The following DNAH17 variants were observed in gnomAD, a reference collection of about 807,000 sequenced individuals.
DNAH17 encodes the protein axonemal beta dynein heavy chain 17.
In DNAH17, 376 loss-of-function variants were observed where a neutral mutation model predicts 485.6. That is an observed-to-expected ratio of 0.77 (90% CI 0.71 to 0.84). The LOEUF (loss-of-function observed/expected upper bound fraction) is 0.84, where lower values mean the gene tolerates loss of function less well. Ranked by LOEUF, DNAH17 falls within the 40% of genes least tolerant of loss-of-function variation. DNAH17 has a pLI of 0.00. For synonymous variants in DNAH17, 3,031 were observed against 2,405.9 expected (o/e 1.26, Z -7.60); for missense variants, 6,370 against 5,839.3 (o/e 1.09, Z -2.96).
intron 58 of DNAH17, among the ~76,000 whole-genome samples, 159 bp from the exon 59 acceptor site, chr17:78,460,416 GTATGTGTATGTGCATCCATGTGCA>G (rs1476293949): frequency 2.6e-5 from 4 of 151,922 alleles, no homozygotes; most frequent in Non-Finnish European, 4.4e-5. Flanking sequence ...GTGTGTGCAT[GTATGTGTATGTGCATCCATGTGCA>G]TATGTGCATG....
intron 16 of DNAH17, among the ~76,000 whole-genome samples, chr17:78,547,193 G>A (rs1230392891): frequency 6.6e-6 from 1 of 151,996 alleles, no homozygotes; most frequent in Non-Finnish European, 1.5e-5. Flanking sequence ...GCTCTCCTTG[G>A]TACTCTAGAA....
Position 78,529,728 on chromosome 17 carries a change from GC to G in DNAH17, c.3285-35del, listed in dbSNP as rs1568203614. 2.5e-6 allele frequency: 4 copies of G among 1,601,512 alleles called. No homozygotes were observed. In the Admixed American group the frequency reaches 6.7e-5, roughly 27 times the overall value. ...CAAGGGGACCATTTGTGTGGCCCCAGCCCCCCTTAGGCCCACCCTTGATGGT... is the reference window on the plus strand; with the variant it reads ...CAAGGGGACCATTTGTGTGGCCCCAGCCCCCTTAGGCCCACCCTTGATGGT... On this transcript the variant is annotated intron_variant, in intron 21 of 80. Coordinates refer to ENST00000389840, the MANE Select transcript of DNAH17 (RefSeq NM_173628.4).
At position 78,495,028 on chromosome 17, in the gene DNAH17, C is replaced by T; in HGVS notation, c.5973G>A (p.Leu1991=). 6.2e-7 allele frequency: 1 copy of T among 1,612,524 alleles called. No individual in the cohort carries two copies. The highest frequency in any genetic ancestry group is 1.7e-4 in the Middle Eastern group (1 of 6,056). The part of the protein sequence containing the change: ...CEIMLMAEGF[L]EARLLARKFI... ...ACTTCCTGGCCAGAAGGCGGGCTTC[C>T]AGAAAGCCCTCGGCCATGAGCATGA... Residue 1991 remains leucine (L), a synonymous_variant, in exon 39 of 81, where the codon CTG becomes CTA. Coordinates refer to ENST00000389840, the MANE Select transcript of DNAH17 (RefSeq NM_173628.4).
rs1219953290 is a variant in DNAH17, at chr17:78,558,199, ATC to A, written c.2085_2086del (p.Glu695AspfsTer30). On this transcript the variant is annotated frameshift_variant, in exon 14 of 81. Coordinates refer to ENST00000389840, the MANE Select transcript of DNAH17 (RefSeq NM_173628.4). LOFTEE classifies it high-confidence loss of function. Reference sequence around the variant, plus strand: ...GAACAGACTCTCCGCACTGTCTGGAATCTCTTTCTGTTGCTGGAAATTCAAAT... The same window carrying A: ...GAACAGACTCTCCGCACTGTCTGGAATCTTTCTGTTGCTGGAAATTCAAAT... 6 of 1,613,896 alleles carry A rather than the reference ATC, an allele frequency of 3.7e-6. No individual in the cohort carries two copies. The African/African-American group carries it at 5.3e-5, about 14-fold the overall frequency.
chr17:78,572,614 A>AGTGGG, intron 3 of DNAH17, 87 bp downstream of exon 3: 1 of 1,080,654 alleles, frequency 9.3e-7, no homozygotes, highest in Non-Finnish European at 1.2e-6. Flanking sequence ...AACGGGTCGG[A>AGTGGG]GTGGGGTGGA....
In DNAH17 at chr17:78,525,669, C is replaced by T. The variant is rs369910085; in HGVS notation, c.3712-508G>A. Among the ~76,000 whole-genome samples, 120 of 152,330 alleles carry T rather than the reference C, an allele frequency of 7.9e-4. 1 individual carries two copies. Among genetic ancestry groups the T allele is most frequent in the African/African-American group, 2.7e-3 (114 of 41,578 alleles). On this transcript the variant is annotated intron_variant, in intron 24 of 80. Coordinates refer to ENST00000389840, the MANE Select transcript of DNAH17 (RefSeq NM_173628.4). Reference sequence around the variant, plus strand: ...GGCTGTGGCAAAGGTGGGCTCGGAGCGTGTGCACACACATGGACACGCAGG... The same window carrying T: ...GGCTGTGGCAAAGGTGGGCTCGGAGTGTGTGCACACACATGGACACGCAGG...
At chr17:78,511,130 CTTTT>C (rs1273514295) in intron 26 of DNAH17, among the ~76,000 whole-genome samples, 1 of 152,214 alleles carries the variant, frequency 6.6e-6, no homozygotes, top group Non-Finnish European at 1.5e-5. Flanking sequence ...TTCTTTCTTT[CTTTT>C]GAGACAGAGT....
Position 78,505,273 on chromosome 17 carries a change from T to G in DNAH17, c.4956+20A>C, listed in dbSNP as rs776132045. ...GCACCCTTGTCCTGGGTTCCCTGTG[T>G]GGTGTGCGCACACACTCACCTGCCC... On this transcript the variant is annotated intron_variant, in intron 31 of 80. Transcript: ENST00000389840. The G allele has an allele frequency of 6.8e-6, 11 of 1,613,448 alleles. No homozygotes were observed. Among genetic ancestry groups the G allele is most frequent in the Admixed American group, 6.7e-5 (4 of 59,970 alleles).
At chr17:78,486,651 A>T (rs2089623091) in intron 44 of DNAH17, 145 bp from the exon 45 acceptor site, 9 of 1,089,410 alleles carry the variant, frequency 8.3e-6, no homozygotes, top group Non-Finnish European at 6.4e-6. Context: ...AATGGGTCCA[A>T]ACGAGGGTGC....
At chr17:78,481,155 T>A (rs1318967696) in intron 48 of DNAH17, among the ~76,000 whole-genome samples, 1 of 138,388 alleles carries the variant, frequency 7.2e-6, no homozygotes, top group Non-Finnish European at 1.5e-5. Context: ...CAGGCCGGAG[T>A]GCAGTGGCAT....
Position 78,486,123 on chromosome 17 carries a change from T to A in DNAH17, c.7112A>T (p.Tyr2371Phe). The change falls in exon 46 of 81, where the codon TAT (tyrosine) becomes TTT (phenylalanine). Residue 2371 changes from tyrosine to phenylalanine, a missense_variant. Tyr to Phe is a conservative substitution (Grantham distance 22). Coordinates refer to ENST00000389840, the MANE Select transcript of DNAH17 (RefSeq NM_173628.4). Reference sequence around the variant, plus strand: ...CCACCATTTACTGAACTCCACTCGATAATCCACAAGCTGTTGAGACACAGA... The same window carrying A: ...CCACCATTTACTGAACTCCACTCGAAAATCCACAAGCTGTTGAGACACAGA... ...GAMFQDQLVD[Y>F]RVEFSKWWIN... 1.2e-6 allele frequency: 2 copies of A among 1,613,610 alleles called. No homozygotes were observed. Among genetic ancestry groups the A allele is most frequent in the Middle Eastern group, 1.6e-4 (1 of 6,062 alleles).
Position 78,444,779 on chromosome 17 carries a change from C to A in DNAH17, c.11353G>T (p.Glu3785Ter). Residue 3785 changes from glutamate to a stop codon, truncating the protein, a stop_gained, in exon 71 of 81, where the codon GAG becomes TAG. Coordinates refer to ENST00000389840, the MANE Select transcript of DNAH17 (RefSeq NM_173628.4). LOFTEE classifies it high-confidence loss of function. ...ATGTCACTGTCCAGATTTTTGAACTCATCCATCTCCGAGAGGGCCTAGGGG... is the reference window on the plus strand; with the variant it reads ...ATGTCACTGTCCAGATTTTTGAACTAATCCATCTCCGAGAGGGCCTAGGGG... ...GGIKALSEMDEFKNLDSDIEG... is the reference protein window; with the variant it reads ...GGIKALSEMD The A allele has an allele frequency of 6.3e-7, 1 of 1,578,342 alleles. No individual in the cohort carries two copies. Among genetic ancestry groups the A allele is most frequent in the South Asian group, 1.2e-5 (1 of 86,230 alleles).
At chr17:78,572,611 CGGAGTGGGGT>C (rs907825751) in intron 3 of DNAH17, 80 bp downstream of exon 3, 48 of 1,120,932 alleles carry the variant, frequency 4.3e-5, no homozygotes, top group Admixed American at 1.3e-4. Context: ...AACAACGGGT[CGGAGTGGGGT>C]GGAGTGGGGT....
chr17:78,509,751 G>A (rs1198945569), intron 27 of DNAH17, among the ~76,000 whole-genome samples: 1 of 152,098 alleles, frequency 6.6e-6, no homozygotes, highest in Non-Finnish European at 1.5e-5. Flanking sequence ...TGACGTCCAT[G>A]GAGGAGTCAG....
At chr17:78,551,512 T>G in intron 16 of DNAH17, 23 bp downstream of exon 16, 3 of 1,610,684 alleles carry the variant, frequency 1.9e-6, no homozygotes, top group Non-Finnish European at 2.5e-6. Context: ...AAAGCCCCAC[T>G]CTGTGCTCTG....
In DNAH17 at chr17:78,455,783, T is replaced by A; in HGVS notation, c.10031A>T (p.Asn3344Ile). ...CAGCGTGACCCCCTGGCTCCTGAAG[T>A]TCTCCACAGACTCAGCCCAGCGGAT... is the stretch of plus-strand genomic sequence containing the variant. ...ENIRWAESVENFRSQGVTLCG... is the reference protein window; with the variant it reads ...ENIRWAESVEIFRSQGVTLCG... Residue 3344 changes from asparagine (N) to isoleucine (I), a missense_variant, in exon 63 of 81, where the codon AAC becomes ATC. Asn to Ile is a moderately radical substitution (Grantham distance 149, BLOSUM62 -3). Coordinates refer to ENST00000389840, the MANE Select transcript of DNAH17 (RefSeq NM_173628.4). 1 of 1,613,338 alleles carries A rather than the reference T, an allele frequency of 6.2e-7. No individual in the cohort carries two copies. Among genetic ancestry groups the A allele is most frequent in the Non-Finnish European group, 8.5e-7 (1 of 1,179,644 alleles).
Position 78,425,333 on chromosome 17 carries a change from G to C in DNAH17, c.13141+13C>G, listed in dbSNP as rs1410136199. The C allele has an allele frequency of 6.2e-7, 1 of 1,611,144 alleles. No homozygotes were observed. On this transcript the variant is annotated intron_variant, in intron 80 of 80. Transcript: ENST00000389840. Reference sequence around the variant, plus strand: ...TCTGGAAGCTTCTGCAGACAGACAAGAGCCCTCCTTACCTTCCATGAAGAG... The same window carrying C: ...TCTGGAAGCTTCTGCAGACAGACAACAGCCCTCCTTACCTTCCATGAAGAG...
rs780152526 is a variant in DNAH17, at chr17:78,566,614, C to T, written c.1569G>A (p.Lys523=). ...GCCTGCGTCTCCACTGCATGCTTAC[C>T]TTTGCGGAGGACTTGATACAGCTGC... ...DDCSCIKSSA[K]LLYMCGGLME... is the part of the protein sequence containing the mutation. Residue 523 remains lysine (K), a splice_region_variant and synonymous_variant, in exon 11 of 81, where the codon AAG becomes AAA. Transcript: ENST00000389840. 6.2e-7 allele frequency: 1 copy of T among 1,600,728 alleles called. No homozygotes were observed. The highest frequency in any genetic ancestry group is 8.5e-7 in the Non-Finnish European group (1 of 1,172,698).
rs1305065874 is a variant in DNAH17 at position 78,561,736 on chromosome 17, T to C, written c.1814A>G (p.His605Arg). Residue 605 changes from histidine to arginine, a missense_variant, in exon 12 of 81, where the codon CAC (histidine) becomes CGC (arginine). His to Arg is a conservative substitution (Grantham distance 29). Coordinates refer to ENST00000389840, the MANE Select transcript of DNAH17 (RefSeq NM_173628.4). ...LQERLEVSMK[H>R]LKHVEHPVMS... is the part of the protein sequence containing the mutation. ...TCACGGGTGTTCGACGTGCTTCAGG[T>C]GTTTCATGGACACCTCTAGCCTCTC... 12 of 1,609,956 alleles carry C rather than the reference T, an allele frequency of 7.5e-6. No homozygotes were observed. The highest frequency in any genetic ancestry group is 1.0e-5 in the Non-Finnish European group (12 of 1,177,756).
Sources: allele counts gnomAD v4.1 joint callset (sites outside exome capture counted in the v4.1 genomes callset), GRCh38; gene constraint gnomAD v4.1.1; transcripts MANE v1.5; gene names NCBI Gene and HGNC (gene_info 2026-07-23, HGNC 2026-07-21).